The following NCKAP5 variants were observed in gnomAD, a reference collection of about 807,000 sequenced individuals.
The protein encoded by NCKAP5 is NCK associated protein 5, also known as nck-associated protein 5.
NCKAP5 carries 92 observed loss-of-function variants against 167.0 expected under a neutral mutation model. The ratio of observed to expected loss-of-function variants is 0.55; its 90% CI spans 0.47 to 0.66. NCKAP5 has a LOEUF of 0.66. Among genes scored for constraint, NCKAP5 ranks in the 30% least tolerant of loss-of-function variants. NCKAP5 has a pLI of 0.00. For missense variants in NCKAP5, 2,378 were observed against 2,315.0 expected, an observed-to-expected ratio of 1.03 and a Z score of -0.56; for synonymous variants, 891 against 877.4, an observed-to-expected ratio of 1.02 and a Z score of -0.27.
At chr2:133,012,358 CT>C (rs1245451847) in intron 6 of NCKAP5, among the ~76,000 whole-genome samples, 7 of 152,276 alleles carry the variant, frequency 4.6e-5, no homozygotes, top group Admixed American at 1.3e-4. Context: ...CGCCATTATC[CT>C]GCCTCAGCCT....
At chr2:133,047,018 C>T (rs987708228) in intron 6 of NCKAP5, among the ~76,000 whole-genome samples, 1 of 152,104 alleles carries the variant, frequency 6.6e-6, no homozygotes, top group African/African-American at 2.4e-5. Context: ...GAGTGATTTG[C>T]CCTTGTTTCC....
intron 5 of NCKAP5, among the ~76,000 whole-genome samples, chr2:133,204,338 C>G (rs1178695639): frequency 1.3e-5 from 2 of 152,144 alleles, no homozygotes; most frequent in Admixed American, 1.3e-4. Flanking sequence ...TCTGCTTCAT[C>G]AAAACATTAA....
At chr2:133,034,614 G>A (rs1397315894) in intron 6 of NCKAP5, among the ~76,000 whole-genome samples, 1 of 152,004 alleles carries the variant, frequency 6.6e-6, no homozygotes, top group Non-Finnish European at 1.5e-5. Context: ...AATTAAAAAT[G>A]GGGGAACAAA....
At chr2:133,026,148 T>C (rs11899567) in intron 6 of NCKAP5, among the ~76,000 whole-genome samples, 4,326 of 152,246 alleles carry the variant, frequency 0.028, 184 homozygotes, top group African/African-American at 0.097. Flanking sequence ...TATTTACTTT[T>C]GAGAAGTGTC....
intron 6 of NCKAP5, among the ~76,000 whole-genome samples, chr2:133,054,746 T>C (rs529043038): frequency 6.6e-6 from 1 of 152,302 alleles, no homozygotes; most frequent in Non-Finnish European, 1.5e-5. Context: ...TAGAATGACA[T>C]ATGCCCACTC....
intron 5 of NCKAP5, among the ~76,000 whole-genome samples, chr2:133,160,146 C>A (rs2083728500): frequency 6.6e-6 from 1 of 152,178 alleles, no homozygotes; most frequent in Admixed American, 6.5e-5. Context: ...TATTATCTCA[C>A]AGTCCTGGAG....
intron 3 of NCKAP5, among the ~76,000 whole-genome samples, chr2:133,385,823 G>C (rs1686915702): frequency 6.6e-6 from 1 of 152,136 alleles, no homozygotes. Flanking sequence ...AGATTTTCTA[G>C]TTTATTTGCA....
intron 8 of NCKAP5, among the ~76,000 whole-genome samples, chr2:132,962,946 G>T (rs2076561197): frequency 6.6e-6 from 1 of 152,112 alleles, no homozygotes; most frequent in Admixed American, 6.6e-5. Context: ...AGACTCTATG[G>T]TAGAACTGCG....
intron 3 of NCKAP5, among the ~76,000 whole-genome samples, chr2:133,326,458 CAAAAAAAAAAAAAA>C (rs34750625): frequency 1.4e-4 from 7 of 48,984 alleles, no homozygotes; most frequent in Non-Finnish European, 8.7e-5. Context: ...TCAGTCTCAA[CAAAAAAAAAAAAAA>C]AAAAAAAAGA....
intron 4 of NCKAP5, among the ~76,000 whole-genome samples, chr2:133,225,130 T>TAAA (rs1026604884): frequency 1.3e-5 from 2 of 152,200 alleles, no homozygotes; most frequent in Non-Finnish European, 2.9e-5. Flanking sequence ...GACAAACTTT[T>TAAA]AAAAACAACA....
At chr2:132,962,749 C>G (rs2076554383) in intron 8 of NCKAP5, among the ~76,000 whole-genome samples, 1 of 152,112 alleles carries the variant, frequency 6.6e-6, no homozygotes, top group African/African-American at 2.4e-5. Context: ...TGCCACCACG[C>G]CTGGCTAATT....
chr2:132,726,254 A>G (rs529576920), intron 18 of NCKAP5, among the ~76,000 whole-genome samples: 1 of 152,244 alleles, frequency 6.6e-6, no homozygotes, highest in East Asian at 1.9e-4. Context: ...TCAGCTCCCA[A>G]AAGGACAGTA....
intron 7 of NCKAP5, among the ~76,000 whole-genome samples, chr2:132,968,813 A>G (rs1165446044): frequency 6.6e-6 from 1 of 152,172 alleles, no homozygotes; most frequent in Non-Finnish European, 1.5e-5. Flanking sequence ...AAGGAAATCT[A>G]AAGAACTGTA....
At chr2:133,037,993 AGAG>A (rs2079091625) in intron 6 of NCKAP5, among the ~76,000 whole-genome samples, 3 of 152,186 alleles carry the variant, frequency 2.0e-5, no homozygotes, top group African/African-American at 7.2e-5. Flanking sequence ...TGTCAACAAA[AGAG>A]AACCCTTGTA....
chr2:133,365,186 A>C (rs1212302366), intron 3 of NCKAP5, among the ~76,000 whole-genome samples: 1 of 152,068 alleles, frequency 6.6e-6, no homozygotes, highest in Admixed American at 6.5e-5. Context: ...TGAGAACCAC[A>C]AGCAAAAGTA....
rs2084929694 is a variant in NCKAP5 at position 133,185,977 on chromosome 2, G to A, written c.207+27739C>T. On this transcript the variant is annotated intron_variant, in intron 5 of 19. Transcript: ENST00000409261. ...TTCTTTCTCTTGCCTGATTCCTCTG[G>A]CTAGGACTTCCAGTCCTATATTGAA... 2.6e-5 allele frequency among the ~76,000 whole-genome samples: 4 copies of A among 152,056 alleles called. No homozygotes were observed. In the South Asian group the frequency reaches 8.3e-4, roughly 32 times the overall value.
At chr2:133,352,256 C>T (rs1684414173) in intron 3 of NCKAP5, among the ~76,000 whole-genome samples, 1 of 152,200 alleles carries the variant, frequency 6.6e-6, no homozygotes, top group Non-Finnish European at 1.5e-5. Flanking sequence ...TCTTGATAGC[C>T]CAACTCCCTG....
At chr2:133,182,978 C>A (rs991960315) in intron 5 of NCKAP5, among the ~76,000 whole-genome samples, 2 of 152,188 alleles carry the variant, frequency 1.3e-5, no homozygotes, top group Admixed American at 6.5e-5. Flanking sequence ...ATACTATGAA[C>A]AACACTGCAT....
In NCKAP5 at chr2:132,729,963, G is replaced by A. The variant is rs552790419; in HGVS notation, c.5444-1011C>T. ...TGAATTGGCAGTGACTGCTCAAAAA[G>A]GAGCTATAATCTCATTTTCTTTTTG... On this transcript the variant is annotated intron_variant, in intron 17 of 19. Transcript: ENST00000409261. Among the ~76,000 whole-genome samples, 18 of 152,200 alleles carry A rather than the reference G, an allele frequency of 1.2e-4. No individual in the cohort carries two copies. The South Asian group carries it at 3.7e-3, about 32-fold the overall frequency.
Sources: gnomAD v4.1 joint callset for allele counts (sites outside exome capture counted in the v4.1 genomes callset) on GRCh38, gnomAD v4.1.1 for gene constraint, MANE v1.5 for transcripts, NCBI Gene and HGNC (gene_info 2026-07-23, HGNC 2026-07-21) for gene names.